ALK: variants seen among roughly 807,000 people sequenced by gnomAD.
ALK encodes the protein ALK tyrosine kinase receptor.
ALK carries 74 observed loss-of-function variants against 163.1 expected under a neutral mutation model. The observed-to-expected ratio is 0.45, with a 90% CI of 0.38 to 0.55. ALK has a LOEUF of 0.55. ALK is among the 20% of genes least tolerant of loss of function. The pLI is 0.00. For synonymous variants in ALK, 960 were observed against 843.2 expected (o/e 1.14, Z -2.40); for missense variants, 2,063 against 2,105.3 (o/e 0.98, Z 0.39).
rs775129184 is a variant in ALK, at chr2:29,275,239, A to G, written c.1913-12T>C. On this transcript the variant is annotated splice_polypyrimidine_tract_variant and intron_variant, in intron 10 of 28. Coordinates refer to ENST00000389048, the MANE Select transcript of ALK (RefSeq NM_004304.5). ...GTCCTCTCCGCTAACTGCAATAGAG[A>G]AGACCCCACGGGCTGAGTTAGGTGA... 3.7e-6 allele frequency: 6 copies of G among 1,614,014 alleles called. No individual in the cohort carries two copies. The East Asian group carries it at 1.3e-4, about 36-fold the overall frequency.
chr2:29,199,672 C>T (rs761018658), intron 26 of ALK, among the ~76,000 whole-genome samples: 1 of 152,142 alleles, frequency 6.6e-6, no homozygotes, highest in Non-Finnish European at 1.5e-5. Context: ...TCTGAAAAGG[C>T]ATTTTTCTCT....
chr2:29,833,690 A>C (rs1264318155), intron 1 of ALK, among the ~76,000 whole-genome samples: 1 of 152,190 alleles, frequency 6.6e-6, no homozygotes, highest in East Asian at 1.9e-4. Flanking sequence ...AAATGAGAAA[A>C]CTGAGGCTCA....
At chr2:29,372,378 T>G (rs1286277863) in intron 5 of ALK, among the ~76,000 whole-genome samples, 1 of 152,206 alleles carries the variant, frequency 6.6e-6, no homozygotes, top group Non-Finnish European at 1.5e-5. Flanking sequence ...GATCCTGAGT[T>G]GTACTAGTTC....
intron 3 of ALK, among the ~76,000 whole-genome samples, chr2:29,676,909 TTTC>T (rs1341288261): frequency 2.6e-5 from 4 of 152,070 alleles, no homozygotes; most frequent in Non-Finnish European, 5.9e-5. Context: ...GTGGAATTAC[TTTC>T]TTAATTCCCT....
intron 1 of ALK, among the ~76,000 whole-genome samples, chr2:29,795,057 A>G (rs1288794546): frequency 6.6e-6 from 1 of 152,178 alleles, no homozygotes; most frequent in Non-Finnish European, 1.5e-5. Flanking sequence ...AGACTTTCAA[A>G]TTGGGAAAAA....
In ALK at chr2:29,559,093, C is replaced by T. The variant is rs1673943546; in HGVS notation, c.953-26977G>A. ...ACAGAAGAACCTTGAAGGGTTCAGA[C>T]AAGTCTACCCAGATCTGAGGGCAAA... On this transcript the variant is annotated intron_variant, in intron 3 of 28. Transcript: ENST00000389048. Among the ~76,000 whole-genome samples, 3 of 152,178 alleles carry T rather than the reference C, an allele frequency of 2.0e-5. No homozygotes were observed. The South Asian group carries it at 6.2e-4, about 31-fold the overall frequency.
In ALK at chr2:29,585,607, C is replaced by T. The variant is rs550183459; in HGVS notation, c.953-53491G>A. On this transcript the variant is annotated intron_variant, in intron 3 of 28. Coordinates refer to ENST00000389048, the MANE Select transcript of ALK (RefSeq NM_004304.5). ...CCTCCCAAGGTGCTGAGATCACCCG[C>T]GTGAGCCACTGTGCCCACCCTGTCA... is the stretch of plus-strand genomic sequence containing the variant. Among the ~76,000 whole-genome samples the T allele has an allele frequency of 6.4e-4, 97 of 152,234 alleles. 1 individual carries two copies. Among genetic ancestry groups the T allele is most frequent in the African/African-American group, 2.1e-3 (89 of 41,538 alleles).
At chr2:29,565,975 C>T (rs568136407) in intron 3 of ALK, among the ~76,000 whole-genome samples, 1 of 152,264 alleles carries the variant, frequency 6.6e-6, no homozygotes, top group African/African-American at 2.4e-5. Flanking sequence ...CCTGTCAGCT[C>T]TTACTTCTTC....
At chr2:29,806,871 G>C (rs932541796) in intron 1 of ALK, among the ~76,000 whole-genome samples, 1 of 152,232 alleles carries the variant, frequency 6.6e-6, no homozygotes, top group Non-Finnish European at 1.5e-5. Context: ...ATGGTGGTAA[G>C]AGGAACAAAC....
chr2:29,573,727 A>C (rs1433830409), intron 3 of ALK, among the ~76,000 whole-genome samples: 1 of 152,238 alleles, frequency 6.6e-6, no homozygotes, highest in African/African-American at 2.4e-5. Flanking sequence ...TTACAAAAAC[A>C]GCCAACTCCT....
chr2:29,514,418 C>T (rs923187792), intron 4 of ALK, among the ~76,000 whole-genome samples: 6 of 151,976 alleles, frequency 3.9e-5, no homozygotes, highest in African/African-American at 1.5e-4. Context: ...CCAAACACCG[C>T]ATATTCTCAC....
chr2:29,387,626 A>G (rs1669062789), intron 4 of ALK, among the ~76,000 whole-genome samples: 1 of 152,216 alleles, frequency 6.6e-6, no homozygotes. Context: ...AAGGGCCCTT[A>G]TTGATCTGAT....
intron 4 of ALK, among the ~76,000 whole-genome samples, chr2:29,423,190 C>T (rs1004818339): frequency 1.3e-5 from 2 of 152,088 alleles, no homozygotes; most frequent in Non-Finnish European, 2.9e-5. Flanking sequence ...TTCCATATGT[C>T]ATTTCATTTA....
chr2:29,776,303 A>T (rs573591867), intron 1 of ALK, among the ~76,000 whole-genome samples: 14 of 152,158 alleles, frequency 9.2e-5, no homozygotes, highest in African/African-American at 2.7e-4. Flanking sequence ...CTATTTAGGC[A>T]TAAGAGAGAA....
intron 1 of ALK, among the ~76,000 whole-genome samples, chr2:29,783,574 A>G (rs893809154): frequency 1.3e-5 from 2 of 152,248 alleles, no homozygotes; most frequent in Admixed American, 6.5e-5. Context: ...TTTGATTGCA[A>G]GAAAAAAATT....
intron 1 of ALK, among the ~76,000 whole-genome samples, chr2:29,823,176 T>C (rs79367537): frequency 1.3e-5 from 2 of 152,206 alleles, no homozygotes; most frequent in Admixed American, 6.5e-5. Flanking sequence ...CTGCCACCCA[T>C]GTAAGACATG....
chr2:29,682,678 G>T (rs976993760), intron 3 of ALK, among the ~76,000 whole-genome samples: 1 of 152,142 alleles, frequency 6.6e-6, no homozygotes, highest in African/African-American at 2.4e-5. Context: ...GGATTAAACA[G>T]GGGCATCCCA....
chr2:29,746,091 C>T (rs1409702327), intron 1 of ALK, among the ~76,000 whole-genome samples: 1 of 152,144 alleles, frequency 6.6e-6, no homozygotes, highest in Non-Finnish European at 1.5e-5. Flanking sequence ...CAATTATTCC[C>T]ACTTTACAGA....
chr2:29,571,598 A>G (rs967806217), intron 3 of ALK, among the ~76,000 whole-genome samples: 8 of 88,360 alleles, frequency 9.1e-5, no homozygotes, highest in Non-Finnish European at 1.4e-4. Context: ...GTCTTGGCTC[A>G]TATCTTTTTT....
Sources: allele counts gnomAD v4.1 joint callset (sites outside exome capture counted in the v4.1 genomes callset), GRCh38; gene constraint gnomAD v4.1.1; transcripts MANE v1.5; gene names NCBI Gene and HGNC (gene_info 2026-07-23, HGNC 2026-07-21).